SORCS2: variants seen among roughly 807,000 people sequenced by gnomAD.
SORCS2 encodes the protein VPS10 domain-containing receptor SorCS2.
Under a neutral mutation model 141.6 loss-of-function variants are expected in SORCS2, and 100 were observed. The observed-to-expected ratio is 0.71, with a 90% confidence interval of 0.60 to 0.83. SORCS2 has a LOEUF of 0.83. SORCS2 is among the 40% of genes least tolerant of loss of function. The pLI, the probability that SORCS2 is intolerant of heterozygous loss-of-function variation, is 0.00. For synonymous variants in SORCS2, 789 were observed against 676.9 expected (o/e 1.17, Z -2.57); for missense variants, 1,646 against 1,560.2 (o/e 1.05, Z -0.93).
At chr4:7,623,762 C>T (rs746522709) in intron 3 of SORCS2, among the ~76,000 whole-genome samples, 6 of 152,216 alleles carry the variant, frequency 3.9e-5, no homozygotes, top group Non-Finnish European at 5.9e-5. Context: ...GCCGCTTATG[C>T]GCTTTGTCGG....
At chr4:7,520,882 T>C (rs1203215390) in intron 2 of SORCS2, among the ~76,000 whole-genome samples, 1 of 152,158 alleles carries the variant, frequency 6.6e-6, no homozygotes, top group African/African-American at 2.4e-5. Flanking sequence ...CATTGGAGAA[T>C]GTCAGAGGTG....
chr4:7,568,436 T>C (rs1715167480), intron 3 of SORCS2, among the ~76,000 whole-genome samples: 1 of 152,228 alleles, frequency 6.6e-6, no homozygotes, highest in Non-Finnish European at 1.5e-5. Flanking sequence ...TCACCACTGC[T>C]TAATGACAGG....
At chr4:7,670,268 G>A (rs1722720502) in intron 8 of SORCS2, among the ~76,000 whole-genome samples, 1 of 152,064 alleles carries the variant, frequency 6.6e-6, no homozygotes, top group South Asian at 2.1e-4. Context: ...TAAAGGGTGG[G>A]CCGTTTTTAT....
chr4:7,275,985 A>G, intron 1 of SORCS2, among the ~76,000 whole-genome samples: 1 of 152,178 alleles, frequency 6.6e-6, no homozygotes, highest in South Asian at 2.1e-4. Context: ...GGAGAGTGTG[A>G]GACGGTAGAG....
chr4:7,368,777 T>C (rs1297888883), intron 1 of SORCS2, among the ~76,000 whole-genome samples: 1 of 152,172 alleles, frequency 6.6e-6, no homozygotes, highest in East Asian at 1.9e-4. Flanking sequence ...CCAAATCTCA[T>C]CTTGAATGGG....
At chr4:7,527,463 T>TGGGGCGAG (rs1733766373) in intron 2 of SORCS2, among the ~76,000 whole-genome samples, 1 of 152,064 alleles carries the variant, frequency 6.6e-6, no homozygotes, top group Non-Finnish European at 1.5e-5. Flanking sequence ...GACTCTGCAG[T>TGGGGCGAG]GGGCCTCGGG....
intron 9 of SORCS2, among the ~76,000 whole-genome samples, chr4:7,678,332 G>T (rs1446163487): frequency 6.6e-6 from 1 of 151,216 alleles, no homozygotes; most frequent in Non-Finnish European, 1.5e-5. Flanking sequence ...CGGTCCAAAG[G>T]CGACACCCAC....
intron 2 of SORCS2, among the ~76,000 whole-genome samples, chr4:7,413,103 T>A (rs574215705): frequency 6.6e-6 from 1 of 152,232 alleles, no homozygotes; most frequent in South Asian, 2.1e-4. Context: ...GAATCTCTTC[T>A]TAAAGACATT....
chr4:7,492,549 C>A (rs1023262357), intron 2 of SORCS2, among the ~76,000 whole-genome samples: 2 of 152,180 alleles, frequency 1.3e-5, no homozygotes, highest in Non-Finnish European at 2.9e-5. Context: ...ATTTTATTTC[C>A]TTTTGCTATG....
chr4:7,365,302 G>T (rs1471879969), intron 1 of SORCS2, among the ~76,000 whole-genome samples: 1 of 152,172 alleles, frequency 6.6e-6, no homozygotes, highest in African/African-American at 2.4e-5. Context: ...TGCAGGGTGT[G>T]TGGGGAGTTC....
chr4:7,562,064 A>T (rs561176740), intron 3 of SORCS2, among the ~76,000 whole-genome samples: 1 of 152,328 alleles, frequency 6.6e-6, no homozygotes, highest in African/African-American at 2.4e-5. Context: ...CCCCTACCCC[A>T]TGGAGTTGAC....
intron 3 of SORCS2, among the ~76,000 whole-genome samples, chr4:7,582,846 G>A (rs1716252246): frequency 3.9e-5 from 6 of 152,070 alleles, no homozygotes; most frequent in Admixed American, 3.9e-4. Flanking sequence ...TAACCTGCAA[G>A]CAGCCTGATT....
At chr4:7,349,627 G>A (rs892653855) in intron 1 of SORCS2, among the ~76,000 whole-genome samples, 3 of 152,206 alleles carry the variant, frequency 2.0e-5, no homozygotes, top group Non-Finnish European at 4.4e-5. Context: ...CCCAGTGAGG[G>A]CTTGGACAAA....
At chr4:7,688,888 C>G (rs933369063) in intron 10 of SORCS2, among the ~76,000 whole-genome samples, 1 of 152,180 alleles carries the variant, frequency 6.6e-6, no homozygotes, top group African/African-American at 2.4e-5. Context: ...CAGAGACAAC[C>G]CCCTGGAGCT....
intron 3 of SORCS2, among the ~76,000 whole-genome samples, chr4:7,579,990 G>C (rs372159945): frequency 5.9e-5 from 9 of 152,244 alleles, no homozygotes; most frequent in African/African-American, 2.2e-4. Flanking sequence ...CAAGGAAGTG[G>C]GGACATGCTT....
intron 1 of SORCS2, among the ~76,000 whole-genome samples, chr4:7,273,827 C>A (rs1419766880): frequency 6.6e-6 from 1 of 152,222 alleles, no homozygotes; most frequent in Non-Finnish European, 1.5e-5. Flanking sequence ...GCTTGGAGGC[C>A]ATGCCTCCCT....
chr4:7,502,064 A>G (rs948341963), intron 2 of SORCS2, among the ~76,000 whole-genome samples: 1 of 152,154 alleles, frequency 6.6e-6, no homozygotes, highest in Non-Finnish European at 1.5e-5. Context: ...CGCCAGTCAC[A>G]TGTGCCCAGG....
chr4:7,556,227 G>A (rs981827372), intron 3 of SORCS2, among the ~76,000 whole-genome samples: 3 of 152,152 alleles, frequency 2.0e-5, no homozygotes, highest in East Asian at 1.9e-4. Flanking sequence ...TGGAGTTCCC[G>A]TCCTCCTTCC....
intron 1 of SORCS2, among the ~76,000 whole-genome samples, chr4:7,252,283 A>G (rs1214952561): frequency 6.6e-6 from 1 of 152,016 alleles, no homozygotes; most frequent in Non-Finnish European, 1.5e-5. Flanking sequence ...AGGAAACTGC[A>G]GGAACTGAGG....
Sources: gnomAD v4.1 joint callset for allele counts (sites outside exome capture counted in the v4.1 genomes callset) on GRCh38, gnomAD v4.1.1 for gene constraint, MANE v1.5 for transcripts, NCBI Gene and HGNC (gene_info 2026-07-23, HGNC 2026-07-21) for gene names.